Variants in EPM2A observed in about 807,000 individuals in gnomAD.
EPM2A encodes laforin.
In EPM2A, 21 loss-of-function variants were observed where a neutral mutation model predicts 26.5. The ratio of observed to expected loss-of-function variants is 0.79; its 90% CI spans 0.56 to 1.14. EPM2A has a LOEUF of 1.14. Ranked by LOEUF, EPM2A falls within the 50% of genes most tolerant of loss-of-function variation. EPM2A has a pLI of 0.00. For missense variants in EPM2A, 458 were observed against 440.8 expected (o/e 1.04, Z -0.35); for synonymous variants, 217 against 177.6 (o/e 1.22, Z -1.76).
At chr6:145,686,317 A>G in intron 1 of EPM2A, 21 bp from the exon 2 acceptor site, 1 of 1,600,438 alleles carries the variant, frequency 6.2e-7, no homozygotes, top group Non-Finnish European at 8.6e-7. Context: ...AAAAAATGAT[A>G]AACAGAGCAA....
In EPM2A at chr6:145,626,068, T is replaced by C; in HGVS notation, c.*1348A>G. On this transcript the variant is annotated 3_prime_UTR_variant, in exon 4 of 4. Coordinates refer to ENST00000367519, the MANE Select transcript of EPM2A (RefSeq NM_005670.4). The stretch of plus-strand genomic sequence containing the variant: ...ATGAGACCTTCTTCATTGGATATTG[T>C]GAAGATTAAACTGGATATGATTATA... 8.7e-7 allele frequency: 1 copy of C among 1,147,142 alleles called. No homozygotes were observed. Among genetic ancestry groups the C allele is most frequent in the South Asian group, 2.8e-5 (1 of 36,280 alleles). 71.1% of individuals were successfully genotyped at this position (1,147,142 alleles called of 1,614,324 possible).
intron 1 of EPM2A, among the ~76,000 whole-genome samples, chr6:145,729,483 G>A (rs1776375517): frequency 6.6e-6 from 1 of 152,242 alleles, no homozygotes; most frequent in Admixed American, 6.5e-5. Flanking sequence ...CTGGGTGTGA[G>A]ACATGGAGTC....
intron 2 of EPM2A, among the ~76,000 whole-genome samples, chr6:145,601,796 T>C (rs1414115176): frequency 1.3e-5 from 2 of 152,200 alleles, no homozygotes; most frequent in African/African-American, 2.4e-5. Context: ...GACCTCTTTT[T>C]GCCAATCAGG....
At chr6:145,672,934 C>T (rs984301781) in intron 2 of EPM2A, among the ~76,000 whole-genome samples, 13 of 152,104 alleles carry the variant, frequency 8.5e-5, no homozygotes, top group African/African-American at 2.7e-4. Flanking sequence ...AGTCACACAC[C>T]CATCTATATA....
chr6:145,625,268 TA>T (rs1775726958), downstream of EPM2A: 3 of 156,388 alleles, frequency 1.9e-5, no homozygotes, highest in South Asian at 1.9e-4. Flanking sequence ...GATTTCAGAC[TA>T]AGCTGATAAC....
At chr6:145,449,454 G>GA (rs1406812013) in intron 4 of EPM2A, among the ~76,000 whole-genome samples, 1 of 152,118 alleles carries the variant, frequency 6.6e-6, no homozygotes, top group Non-Finnish European at 1.5e-5. Flanking sequence ...ATTTTGTTGA[G>GA]AAAAAATTTG....
At chr6:145,649,979 T>C (rs857880) in intron 2 of EPM2A, among the ~76,000 whole-genome samples, 93,124 of 151,980 alleles carry the variant, frequency 0.61, 28,904 homozygotes, top group East Asian at 0.74. Flanking sequence ...ATTCCATCTA[T>C]CCAGTTGCCT....
intron 2 of EPM2A, among the ~76,000 whole-genome samples, chr6:145,575,957 T>C (rs767745534): frequency 3.3e-5 from 5 of 152,216 alleles, no homozygotes; most frequent in Non-Finnish European, 7.3e-5. Flanking sequence ...TGCCTCAGCC[T>C]CCCGAGTAGC....
At chr6:145,552,211 C>A (rs1464805854) in intron 2 of EPM2A, among the ~76,000 whole-genome samples, 2 of 151,878 alleles carry the variant, frequency 1.3e-5, no homozygotes, top group African/African-American at 4.8e-5. Context: ...AGGCTGAGAA[C>A]TTTTAAGAAC....
intron 2 of EPM2A, among the ~76,000 whole-genome samples, chr6:145,642,311 A>G (rs781459207): frequency 2.0e-5 from 3 of 152,176 alleles, no homozygotes; most frequent in Non-Finnish European, 2.9e-5. Flanking sequence ...AGTGAACTTG[A>G]AAAGACTTGT....
chr6:145,444,773 T>C (rs896951410), intron 4 of EPM2A, among the ~76,000 whole-genome samples: 5 of 152,240 alleles, frequency 3.3e-5, no homozygotes, highest in African/African-American at 1.2e-4. Flanking sequence ...TTGTTTAGAA[T>C]TGGACATTTT....
chr6:145,648,574 G>A (rs1299350797), intron 2 of EPM2A, among the ~76,000 whole-genome samples: 2 of 152,194 alleles, frequency 1.3e-5, no homozygotes, highest in Non-Finnish European at 2.9e-5. Flanking sequence ...TGATTCTAGA[G>A]CAGTGTTTCA....
At chr6:145,441,154 C>T (rs992486023) in intron 4 of EPM2A, among the ~76,000 whole-genome samples, 2 of 152,230 alleles carry the variant, frequency 1.3e-5, no homozygotes, top group Non-Finnish European at 2.9e-5. Context: ...CAATTCTTGA[C>T]TTTCATGCAC....
downstream of EPM2A, among the ~76,000 whole-genome samples, chr6:145,496,728 A>ATTT (rs1554244200): frequency 3.7e-5 from 4 of 106,906 alleles, no homozygotes; most frequent in Non-Finnish European, 7.9e-5. Context: ...AGTTCCTGCA[A>ATTT]TTTTTTTTTT....
chr6:145,727,651 T>C (rs1350520630), intron 1 of EPM2A, among the ~76,000 whole-genome samples: 2 of 152,226 alleles, frequency 1.3e-5, no homozygotes, highest in Non-Finnish European at 2.9e-5. Flanking sequence ...GAGTTTACAA[T>C]CTGGTAGGAG....
intron 4 of EPM2A, among the ~76,000 whole-genome samples, chr6:145,434,496 G>A (rs897711774): frequency 6.6e-6 from 1 of 151,836 alleles, no homozygotes; most frequent in African/African-American, 2.4e-5. Flanking sequence ...CTGCTTTTAA[G>A]TAATCATTTT....
chr6:145,388,361 C>A (rs992188210), intron 4 of EPM2A, among the ~76,000 whole-genome samples: 6 of 152,148 alleles, frequency 3.9e-5, no homozygotes, highest in Non-Finnish European at 5.9e-5. Flanking sequence ...TCTACTATAA[C>A]CATATACTAC....
At chr6:145,709,084 G>A (rs935738499) in intron 1 of EPM2A, among the ~76,000 whole-genome samples, 1 of 152,142 alleles carries the variant, frequency 6.6e-6, no homozygotes, top group Non-Finnish European at 1.5e-5. Flanking sequence ...CATCCCCATT[G>A]TATCTGAGAA....
At chr6:145,718,130 T>C (rs1775741365) in intron 1 of EPM2A, among the ~76,000 whole-genome samples, 1 of 151,956 alleles carries the variant, frequency 6.6e-6, no homozygotes, top group Non-Finnish European at 1.5e-5. Flanking sequence ...TTAAAGTTCA[T>C]ATGGAACCAA....
Sources: allele counts gnomAD v4.1 joint callset (sites outside exome capture counted in the v4.1 genomes callset), GRCh38; gene constraint gnomAD v4.1.1; transcripts MANE v1.5; gene names NCBI Gene and HGNC (gene_info 2026-07-23, HGNC 2026-07-21).